Variants in HMCN1 observed in about 807,000 individuals in gnomAD.
HMCN1 encodes hemicentin 1.
Under a neutral mutation model 625.9 loss-of-function variants are expected in HMCN1, and 321 were observed. The ratio of observed to expected loss-of-function variants is 0.51; its 90% CI spans 0.47 to 0.56. The LOEUF (loss-of-function observed/expected upper bound fraction) is 0.56. Among genes scored for constraint, HMCN1 ranks in the 20% least tolerant of loss-of-function variants. The pLI is 0.00. For missense variants in HMCN1, 6,588 were observed against 6,887.3 expected (o/e 0.96, Z 1.54); for synonymous variants, 2,425 against 2,417.6 (o/e 1.00, Z -0.09).
At chr1:186,179,326 A>G (rs1652793974) in intron 104 of HMCN1, among the ~76,000 whole-genome samples, 1 of 152,216 alleles carries the variant, frequency 6.6e-6, no homozygotes, top group Non-Finnish European at 1.5e-5. Context: ...AGTTGTTTCT[A>G]TCACTCTGAA....
intron 2 of HMCN1, among the ~76,000 whole-genome samples, chr1:185,852,307 T>C (rs1347964779): frequency 6.6e-6 from 1 of 151,972 alleles, no homozygotes; most frequent in Non-Finnish European, 1.5e-5. Context: ...TATAAAACTG[T>C]AACTTTAATT....
chr1:185,971,731 A>G (rs1393969346), intron 15 of HMCN1, among the ~76,000 whole-genome samples: 1 of 152,128 alleles, frequency 6.6e-6, no homozygotes, highest in East Asian at 1.9e-4. Context: ...ATGTAAGCTA[A>G]ATTTTTGCTT....
chr1:185,939,726 T>G (rs1667992076), intron 11 of HMCN1, among the ~76,000 whole-genome samples: 1 of 152,168 alleles, frequency 6.6e-6, no homozygotes. Flanking sequence ...CTCTTTGTTT[T>G]CTAGATATTG....
In HMCN1 at chr1:186,151,292, CCTAACT is replaced by C. The variant is rs1208706258; in HGVS notation, c.14704_14709del (p.Asn4902_Ser4903del). 2 of 1,613,208 alleles carry C rather than the reference CCTAACT, an allele frequency of 1.2e-6. No homozygotes were observed. Among genetic ancestry groups the C allele is most frequent in the African/African-American group, 2.7e-5 (2 of 74,886 alleles). ...CCTTAATGCCACAATAACTGATAGC[CCTAACT>C]CTGATACTAGAATAATACGTGCCAA... is the stretch of plus-strand genomic sequence containing the variant. On this transcript the variant is annotated inframe_deletion, in exon 94 of 107. Transcript: ENST00000271588.
intron 68 of HMCN1, among the ~76,000 whole-genome samples, chr1:186,098,700 A>G (rs910048624): frequency 2.0e-5 from 3 of 152,146 alleles, no homozygotes; most frequent in African/African-American, 4.8e-5. Flanking sequence ...TCCAAAGGAA[A>G]TGAAATCAGT....
intron 1 of HMCN1, among the ~76,000 whole-genome samples, chr1:185,756,292 G>A (rs919442884): frequency 2.0e-5 from 3 of 152,010 alleles, no homozygotes; most frequent in Non-Finnish European, 2.9e-5. Context: ...AGTGATGTCA[G>A]TTTCCTGTTC....
At chr1:185,771,505 A>C (rs898700854) in intron 1 of HMCN1, among the ~76,000 whole-genome samples, 2 of 152,180 alleles carry the variant, frequency 1.3e-5, no homozygotes, top group African/African-American at 2.4e-5. Context: ...TAGGTGTTAT[A>C]GCTGACTTTT....
chr1:186,091,825 C>T (rs1659858409), intron 64 of HMCN1, among the ~76,000 whole-genome samples: 1 of 151,810 alleles, frequency 6.6e-6, no homozygotes, highest in Non-Finnish European at 1.5e-5. Context: ...ATTTTCTGGT[C>T]AATAAATTGA....
intron 4 of HMCN1, among the ~76,000 whole-genome samples, chr1:185,888,810 A>G (rs915803547): frequency 6.9e-6 from 1 of 144,864 alleles, no homozygotes; most frequent in African/African-American, 2.8e-5. Flanking sequence ...TTGGTTCCAT[A>G]TGAACTTTAA....
At position 186,084,309 on chromosome 1, in the gene HMCN1, T is replaced by C. The variant is rs1370450554; in HGVS notation, c.8884+1348T>C. On this transcript the variant is annotated intron_variant, in intron 57 of 106. Coordinates refer to ENST00000271588, the MANE Select transcript of HMCN1 (RefSeq NM_031935.3). ...GTTTATTATATTTTCTTCATAATCA[T>C]TGCCTCTTTGCAATGTACAGTAGAA... 3.9e-5 allele frequency among the ~76,000 whole-genome samples: 6 copies of C among 152,250 alleles called. No individual in the cohort carries two copies. The South Asian group carries it at 1.2e-3, about 32-fold the overall frequency.
At chr1:185,987,666 G>C (rs1299755790) in intron 20 of HMCN1, 122 bp downstream of exon 20, 1 of 767,716 alleles carries the variant, frequency 1.3e-6, no homozygotes, top group Non-Finnish European at 2.3e-6. Flanking sequence ...GTTAATAAAG[G>C]ATTTCCTATG....
At chr1:185,786,838 T>A (rs1657604989) in intron 1 of HMCN1, among the ~76,000 whole-genome samples, 1 of 152,204 alleles carries the variant, frequency 6.6e-6, no homozygotes, top group Non-Finnish European at 1.5e-5. Flanking sequence ...AGTGTCATCA[T>A]ATCGTATACT....
intron 15 of HMCN1, among the ~76,000 whole-genome samples, chr1:185,976,194 G>T (rs769214733): frequency 2.8e-4 from 43 of 152,072 alleles, no homozygotes; most frequent in Non-Finnish European, 3.5e-4. Flanking sequence ...CATCATAGAG[G>T]AGGGGCCTTT....
chr1:185,746,579 G>A (rs1346008330), intron 1 of HMCN1, among the ~76,000 whole-genome samples: 2 of 148,914 alleles, frequency 1.3e-5, no homozygotes, highest in Non-Finnish European at 3.0e-5. Context: ...TGTTATCTTT[G>A]TGTGCTGTGT....
intron 68 of HMCN1, 34 bp from the exon 69 acceptor site, chr1:186,103,438 G>A (rs775775840): frequency 6.5e-7 from 1 of 1,547,736 alleles, no homozygotes; most frequent in East Asian, 2.2e-5. Flanking sequence ...ATGAAACTGT[G>A]GGTTTATTAT....
intron 86 of HMCN1, among the ~76,000 whole-genome samples, chr1:186,134,422 G>A (rs1405421078): frequency 1.3e-5 from 2 of 152,106 alleles, no homozygotes; most frequent in African/African-American, 2.4e-5. Flanking sequence ...TGCAGCAACA[G>A]TTTATTGAAT....
intron 42 of HMCN1, 52 bp from the exon 43 acceptor site, chr1:186,052,900 T>G (rs10911808): frequency 0.56 from 811,707 of 1,447,024 alleles, 234,198 homozygotes; most frequent in African/African-American, 0.9. Flanking sequence ...TAAACTGTTA[T>G]GAGAATTCTA....
chr1:186,061,034 C>T (rs1053785850), intron 46 of HMCN1, among the ~76,000 whole-genome samples: 5 of 152,056 alleles, frequency 3.3e-5, no homozygotes, highest in African/African-American at 1.2e-4. Context: ...TCCATCTAGC[C>T]TCATCTCTTA....
chr1:186,120,726 A>G (rs903221614), intron 80 of HMCN1, among the ~76,000 whole-genome samples: 3 of 152,238 alleles, frequency 2.0e-5, no homozygotes, highest in Admixed American at 2.0e-4. Context: ...TGGTAGATTC[A>G]TGAATATAAT....
Sources: gnomAD v4.1 joint callset for allele counts (sites outside exome capture counted in the v4.1 genomes callset) on GRCh38, gnomAD v4.1.1 for gene constraint, MANE v1.5 for transcripts, NCBI Gene and HGNC (gene_info 2026-07-23, HGNC 2026-07-21) for gene names.